Variants in BTBD9 observed in about 807,000 individuals in gnomAD.
The protein encoded by BTBD9 is BTB domain containing 9.
A neutral mutation model predicts 64.3 loss-of-function variants in BTBD9; 49 were observed. That is an observed-to-expected ratio of 0.76 (90% CI 0.61 to 0.97). The LOEUF (loss-of-function observed/expected upper bound fraction) is 0.97, where lower values mean the gene tolerates loss of function less well. Ranked by LOEUF, BTBD9 falls within the 50% of genes least tolerant of loss-of-function variation. BTBD9 has a pLI of 0.00. For synonymous variants in BTBD9, 260 were observed against 274.7 expected (o/e 0.95, Z 0.53); for missense variants, 598 against 762.1 (o/e 0.78, Z 2.53).
intron 6 of BTBD9, among the ~76,000 whole-genome samples, chr6:38,358,804 G>A (rs959479756): frequency 4.7e-5 from 7 of 147,866 alleles, no homozygotes; most frequent in Middle Eastern, 3.2e-3. Context: ...TCGCTCTGTC[G>A]CCCAGGCCGG....
chr6:38,602,010 T>C (rs1777261353), intron 1 of BTBD9, among the ~76,000 whole-genome samples: 1 of 152,152 alleles, frequency 6.6e-6, no homozygotes, highest in Non-Finnish European at 1.5e-5. Flanking sequence ...AAAACTCCAC[T>C]GAAAGATTTA....
chr6:38,266,558 A>G (rs1315437553), intron 8 of BTBD9, among the ~76,000 whole-genome samples: 1 of 150,606 alleles, frequency 6.6e-6, no homozygotes, highest in Non-Finnish European at 1.5e-5. Context: ...GGGCGACAAG[A>G]GCAAAACTCA....
At chr6:38,505,001 T>C (rs1184228116) in intron 6 of BTBD9, among the ~76,000 whole-genome samples, 1 of 152,230 alleles carries the variant, frequency 6.6e-6, no homozygotes, top group African/African-American at 2.4e-5. Flanking sequence ...TTTCTGACTC[T>C]ATTAGAACCA....
intron 4 of BTBD9, among the ~76,000 whole-genome samples, chr6:38,582,386 CCTTT>C (rs1428127063): frequency 1.3e-5 from 2 of 152,164 alleles, no homozygotes; most frequent in Non-Finnish European, 2.9e-5. Context: ...TCATAATAAT[CCTTT>C]GAGTACAGTA....
At chr6:38,200,072 T>C (rs749478958) in intron 9 of BTBD9, among the ~76,000 whole-genome samples, 1 of 152,216 alleles carries the variant, frequency 6.6e-6, no homozygotes, top group Non-Finnish European at 1.5e-5. Flanking sequence ...AGGGCTTAGA[T>C]GTGCACAGGC....
Position 38,226,382 on chromosome 6 carries a change from C to T in BTBD9, c.1562+30027G>A, listed in dbSNP as rs370197446. ...CTTACAGTAACTGAACAGAGCACTA[C>T]AGTGATGACAGAGTGGGGGCAGGGG... On this transcript the variant is annotated intron_variant, in intron 9 of 10. Coordinates refer to ENST00000481247, the MANE Select transcript of BTBD9 (RefSeq NM_001099272.2). 1.9e-3 allele frequency among the ~76,000 whole-genome samples: 292 copies of T among 152,316 alleles called. 3 individuals are homozygous for T. Among genetic ancestry groups the T allele is most frequent in the African/African-American group, 6.7e-3 (279 of 41,566 alleles).
Position 38,266,692 on chromosome 6 carries a change from T to C in BTBD9, c.1455-10176A>G, listed in dbSNP as rs145944244. Among the ~76,000 whole-genome samples the C allele has an allele frequency of 1.8e-3, 275 of 150,794 alleles. 1 individual carries two copies. The highest frequency in any genetic ancestry group is 3.3e-3 in the Non-Finnish European group (224 of 67,536). On this transcript the variant is annotated intron_variant, in intron 8 of 10. Transcript: ENST00000481247. ...AAAGAAAGAAAGAAGAAAAAGAAAA[T>C]TATCTCATTTTATGCTTTCAATGTG...
At chr6:38,442,404 A>C (rs1401573967) in intron 6 of BTBD9, among the ~76,000 whole-genome samples, 1 of 152,030 alleles carries the variant, frequency 6.6e-6, no homozygotes, top group Non-Finnish European at 1.5e-5. Flanking sequence ...TGGGAGGCGG[A>C]GGTTTCAGTG....
At chr6:38,448,570 T>C (rs1384949965) in intron 6 of BTBD9, among the ~76,000 whole-genome samples, 2 of 152,132 alleles carry the variant, frequency 1.3e-5, no homozygotes, top group African/African-American at 2.4e-5. Context: ...CAAGCTGGAG[T>C]ACAGTGGTGC....
At chr6:38,495,637 C>T (rs897000756) in intron 6 of BTBD9, among the ~76,000 whole-genome samples, 5 of 152,146 alleles carry the variant, frequency 3.3e-5, no homozygotes, top group African/African-American at 9.7e-5. Flanking sequence ...TATACATAAT[C>T]GTATTACTTA....
chr6:38,517,973 T>A (rs1295402605), intron 6 of BTBD9, among the ~76,000 whole-genome samples: 1 of 152,158 alleles, frequency 6.6e-6, no homozygotes, highest in African/African-American at 2.4e-5. Context: ...TAATTCCAGA[T>A]GAAATTAAGA....
chr6:38,548,628 C>T (rs1244310943), intron 6 of BTBD9, among the ~76,000 whole-genome samples: 1 of 152,002 alleles, frequency 6.6e-6, no homozygotes, highest in Non-Finnish European at 1.5e-5. Flanking sequence ...TTAATCTTTC[C>T]CTAGAGATAT....
chr6:38,454,929 T>C (rs773136169), intron 6 of BTBD9, among the ~76,000 whole-genome samples: 12 of 152,210 alleles, frequency 7.9e-5, no homozygotes, highest in South Asian at 2.1e-4. Flanking sequence ...AAGAAAGTCA[T>C]TGCCATCTGG....
intron 6 of BTBD9, among the ~76,000 whole-genome samples, chr6:38,374,308 T>TATATATATAAAA (rs1765578186): frequency 1.2e-5 from 1 of 84,062 alleles, no homozygotes; most frequent in Admixed American, 1.3e-4. Flanking sequence ...TATATATATG[T>TATATATATAAAA]ATATATATAT....
chr6:38,299,309 A>G (rs1018710645), intron 7 of BTBD9, among the ~76,000 whole-genome samples: 34 of 152,076 alleles, frequency 2.2e-4, no homozygotes, highest in South Asian at 1.5e-3. Context: ...TAGTGCTGCA[A>G]TAAACATACG....
intron 6 of BTBD9, among the ~76,000 whole-genome samples, chr6:38,527,934 T>TA (rs957862315): frequency 4.0e-5 from 6 of 151,470 alleles, no homozygotes; most frequent in Admixed American, 6.6e-5. Context: ...ACTATCCACA[T>TA]AAAAAAAGCC....
At chr6:38,589,619 A>G (rs1776703084) in intron 4 of BTBD9, among the ~76,000 whole-genome samples, 2 of 152,170 alleles carry the variant, frequency 1.3e-5, no homozygotes, top group South Asian at 2.1e-4. Context: ...TCTAGCTACC[A>G]TACTATTTTT....
intron 8 of BTBD9, among the ~76,000 whole-genome samples, chr6:38,269,627 T>C (rs1765131897): frequency 6.6e-6 from 1 of 151,814 alleles, no homozygotes; most frequent in African/African-American, 2.4e-5. Context: ...TCACCTATAC[T>C]GAACAGGAGG....
At chr6:38,614,465 A>G (rs1016454328) in intron 1 of BTBD9, among the ~76,000 whole-genome samples, 1 of 152,208 alleles carries the variant, frequency 6.6e-6, no homozygotes, top group African/African-American at 2.4e-5. Flanking sequence ...GAGGCCATAC[A>G]GATATTAACA....
Sources: allele counts gnomAD v4.1 joint callset (sites outside exome capture counted in the v4.1 genomes callset), GRCh38; gene constraint gnomAD v4.1.1; transcripts MANE v1.5; gene names NCBI Gene and HGNC (gene_info 2026-07-23, HGNC 2026-07-21).